DLGAP2: variants seen among roughly 807,000 people sequenced by gnomAD.
The protein encoded by DLGAP2 is disks large-associated protein 2.
Under a neutral mutation model 100.3 loss-of-function variants are expected in DLGAP2, and 26 were observed. The observed-to-expected ratio is 0.26, with a 90% CI of 0.19 to 0.36. The LOEUF (loss-of-function observed/expected upper bound fraction) is 0.36, where lower values mean the gene tolerates loss of function less well. DLGAP2 is among the 10% of genes least tolerant of loss of function. The pLI, the probability that DLGAP2 is intolerant of heterozygous loss-of-function variation, is 1.00. For synonymous variants in DLGAP2, 886 were observed against 630.1 expected, an observed-to-expected ratio of 1.41 and a Z score of -6.08; for missense variants, 1,858 against 1,453.2, an observed-to-expected ratio of 1.28 and a Z score of -4.53.
intron 2 of DLGAP2, among the ~76,000 whole-genome samples, chr8:1,231,652 A>G (rs1410533192): frequency 6.6e-6 from 1 of 152,228 alleles, no homozygotes; most frequent in Non-Finnish European, 1.5e-5. Context: ...GCATAGCCAT[A>G]AAAAGAATGA....
At chr8:1,629,526 A>C (rs1235330420) in intron 7 of DLGAP2, among the ~76,000 whole-genome samples, 2 of 152,220 alleles carry the variant, frequency 1.3e-5, no homozygotes, top group South Asian at 4.1e-4. Context: ...ATAAAGTCCA[A>C]GATGATATGG....
At chr8:1,220,283 G>A (rs982569322) in intron 2 of DLGAP2, among the ~76,000 whole-genome samples, 17 of 152,220 alleles carry the variant, frequency 1.1e-4, no homozygotes, top group Admixed American at 3.3e-4. Context: ...CTTTACCTGT[G>A]ACCCAAAGAT....
At chr8:745,520 G>A (rs1045940517) in intron 1 of DLGAP2, among the ~76,000 whole-genome samples, 1 of 152,110 alleles carries the variant, frequency 6.6e-6, no homozygotes, top group Non-Finnish European at 1.5e-5. Context: ...CTCAAGAGTC[G>A]CAGCACTCAA....
chr8:1,321,735 C>G (rs1337066172), intron 3 of DLGAP2, among the ~76,000 whole-genome samples: 1 of 152,122 alleles, frequency 6.6e-6, no homozygotes, highest in Non-Finnish European at 1.5e-5. Context: ...TTTATAACAT[C>G]CAAAATTTAG....
At chr8:930,877 A>G (rs925284313) in intron 2 of DLGAP2, among the ~76,000 whole-genome samples, 2 of 152,024 alleles carry the variant, frequency 1.3e-5, no homozygotes, top group Admixed American at 1.3e-4. Context: ...GCTCATGGAA[A>G]TCCCTCTGGA....
chr8:997,069 A>G (rs886119442), intron 2 of DLGAP2, among the ~76,000 whole-genome samples: 2 of 152,218 alleles, frequency 1.3e-5, no homozygotes, highest in African/African-American at 4.8e-5. Flanking sequence ...TATAATATAC[A>G]TGCATGTGAC....
chr8:1,533,183 C>G (rs115878221), intron 4 of DLGAP2, among the ~76,000 whole-genome samples: 1,857 of 151,838 alleles, frequency 0.012, 49 homozygotes, highest in African/African-American at 0.042. Flanking sequence ...TTGATGTTGC[C>G]TATTTATCAT....
chr8:1,056,987 G>A (rs921141519), intron 2 of DLGAP2, among the ~76,000 whole-genome samples: 3 of 152,136 alleles, frequency 2.0e-5, no homozygotes, highest in Non-Finnish European at 4.4e-5. Context: ...GAGACAGACC[G>A]TGTTCGTTAG....
intron 2 of DLGAP2, among the ~76,000 whole-genome samples, chr8:1,225,506 C>T (rs79434133): frequency 1.3e-5 from 2 of 152,188 alleles, no homozygotes; most frequent in Non-Finnish European, 2.9e-5. Flanking sequence ...CTGGACAGAG[C>T]TGGTTGAACA....
In DLGAP2 at chr8:784,163, G is replaced by C. The variant is rs1156533118; in HGVS notation, c.18+46338G>C. Among the ~76,000 whole-genome samples the C allele has an allele frequency of 2.6e-5, 4 of 152,290 alleles. No individual in the cohort carries two copies. In the East Asian group the frequency reaches 5.8e-4, roughly 22 times the overall value. On this transcript the variant is annotated intron_variant, in intron 1 of 14. Coordinates refer to ENST00000637795, the MANE Select transcript of DLGAP2 (RefSeq NM_001346810.2). Reference sequence around the variant, plus strand: ...AGTGAATTGGGAAAAATCTCATTAAGAGATGTATTTCCAATTCAGTTTTAA... The same window carrying C: ...AGTGAATTGGGAAAAATCTCATTAACAGATGTATTTCCAATTCAGTTTTAA...
chr8:1,298,748 C>G (rs1250897422), intron 3 of DLGAP2, among the ~76,000 whole-genome samples: 1 of 152,208 alleles, frequency 6.6e-6, no homozygotes, highest in Non-Finnish European at 1.5e-5. Context: ...AAGACAATCC[C>G]TTATAAAAAC....
chr8:827,512 G>A (rs1017271830), intron 1 of DLGAP2, among the ~76,000 whole-genome samples: 3 of 152,094 alleles, frequency 2.0e-5, no homozygotes, highest in African/African-American at 4.8e-5. Context: ...CGTGTATAAC[G>A]CTTTCTTCAG....
intron 1 of DLGAP2, among the ~76,000 whole-genome samples, chr8:794,588 G>A (rs537930979): frequency 6.6e-6 from 1 of 152,366 alleles, no homozygotes; most frequent in East Asian, 1.9e-4. Flanking sequence ...TTGTGGCTTA[G>A]GAATGCCTTT....
intron 8 of DLGAP2, among the ~76,000 whole-genome samples, chr8:1,646,228 G>A (rs1356194496): frequency 6.6e-6 from 1 of 152,096 alleles, no homozygotes; most frequent in Admixed American, 6.6e-5. Context: ...ATAGAGAGAG[G>A]GAATTCCTCC....
chr8:1,527,519 A>G (rs1020378488), intron 4 of DLGAP2, among the ~76,000 whole-genome samples: 2 of 152,252 alleles, frequency 1.3e-5, no homozygotes, highest in African/African-American at 4.8e-5. Context: ...TGGGATCAGC[A>G]CAGATTCATT....
chr8:1,063,058 A>G (rs1309308813), intron 2 of DLGAP2, among the ~76,000 whole-genome samples: 2 of 152,226 alleles, frequency 1.3e-5, no homozygotes, highest in African/African-American at 4.8e-5. Flanking sequence ...CAATGGAGTG[A>G]GAAGCCTGTG....
intron 3 of DLGAP2, among the ~76,000 whole-genome samples, chr8:1,315,367 G>A (rs1453760991): frequency 1.4e-5 from 2 of 141,546 alleles, no homozygotes; most frequent in Non-Finnish European, 3.1e-5. Context: ...GCCTATGCGA[G>A]TGCAGCGTCT....
intron 3 of DLGAP2, among the ~76,000 whole-genome samples, chr8:1,426,859 A>T (rs1259881178): frequency 6.6e-6 from 1 of 152,184 alleles, no homozygotes; most frequent in South Asian, 2.1e-4. Context: ...TCAACCTTCT[A>T]TTCTACCTGA....
At chr8:1,368,839 A>G (rs1177494003) in intron 3 of DLGAP2, 2 of 152,208 alleles carry the variant, frequency 1.3e-5, no homozygotes. Flanking sequence ...TTAGCCTGGA[A>G]CCATCTATTC....
Sources: gnomAD v4.1 joint callset for allele counts (sites outside exome capture counted in the v4.1 genomes callset) on GRCh38, gnomAD v4.1.1 for gene constraint, MANE v1.5 for transcripts, NCBI Gene and HGNC (gene_info 2026-07-23, HGNC 2026-07-21) for gene names.